THSD7A: variants seen among roughly 807,000 people sequenced by gnomAD.
THSD7A encodes the protein thrombospondin type-1 domain-containing protein 7A.
THSD7A carries 96 observed loss-of-function variants against 231.3 expected under a neutral mutation model. That is an observed-to-expected ratio of 0.41 (90% CI 0.35 to 0.49). THSD7A has a LOEUF of 0.49. Ranked by LOEUF, THSD7A falls within the 20% of genes least tolerant of loss-of-function variation. THSD7A has a pLI of 0.05. For synonymous variants in THSD7A, 940 were observed against 743.3 expected (o/e 1.26, Z -4.30); for missense variants, 2,290 against 2,070.2 (o/e 1.11, Z -2.06).
chr7:11,591,376 G>A (rs1307750867), intron 3 of THSD7A, among the ~76,000 whole-genome samples: 1 of 152,104 alleles, frequency 6.6e-6, no homozygotes, highest in Non-Finnish European at 1.5e-5. Context: ...TGCCACCGAA[G>A]ACAGGAAGTG....
At chr7:11,675,515 C>T (rs1783601627) in intron 1 of THSD7A, among the ~76,000 whole-genome samples, 1 of 152,170 alleles carries the variant, frequency 6.6e-6, no homozygotes, top group Non-Finnish European at 1.5e-5. Context: ...GATCCACTGG[C>T]TTGAAATTAT....
chr7:11,814,226 T>C lies in THSD7A; in HGVS notation c.190+17531A>G, dbSNP rs1434969792. Among the ~76,000 whole-genome samples, 1 of 152,170 alleles carries C rather than the reference T, an allele frequency of 6.6e-6. No individual in the cohort carries two copies. Among genetic ancestry groups the C allele is most frequent in the Non-Finnish European group, 1.5e-5 (1 of 68,032 alleles). On this transcript the variant is annotated intron_variant, in intron 1 of 27. Transcript: ENST00000423059. This position sits in a 1 kb window ranked among gnomAD's most constrained non-coding sequence, Gnocchi z 5.1. ...TAATGGATGCACAAGTCTGTGGATA[T>C]GCTAAAAGCCATTGAATTGTATGCT...
chr7:11,548,869 G>T (rs1445373578), intron 4 of THSD7A, among the ~76,000 whole-genome samples: 2 of 149,964 alleles, frequency 1.3e-5, no homozygotes, highest in Non-Finnish European at 3.0e-5. Flanking sequence ...AGCCATCTAT[G>T]ACAAACACAC....
At chr7:11,435,181 G>A (rs1784594790) in intron 13 of THSD7A, among the ~76,000 whole-genome samples, 1 of 151,926 alleles carries the variant, frequency 6.6e-6, no homozygotes, top group African/African-American at 2.4e-5. Flanking sequence ...CAGATTCATT[G>A]AGTGATATCT....
At chr7:11,673,329 C>T (rs1309862772) in intron 1 of THSD7A, among the ~76,000 whole-genome samples, 1 of 152,100 alleles carries the variant, frequency 6.6e-6, no homozygotes, top group African/African-American at 2.4e-5. Context: ...GGAGAACAAG[C>T]AGAGGTGTAG....
intron 23 of THSD7A, among the ~76,000 whole-genome samples, chr7:11,394,071 C>T (rs1267363615): frequency 2.6e-5 from 4 of 152,160 alleles, no homozygotes; most frequent in Admixed American, 2.6e-4. Flanking sequence ...TCATCCGATT[C>T]ACAAAGGTTG....
In THSD7A at chr7:11,584,562, T is replaced by C. The variant is rs1249155330; in HGVS notation, c.1453+5898A>G. Among the ~76,000 whole-genome samples the C allele has an allele frequency of 7.2e-5, 11 of 152,232 alleles. No individual in the cohort carries two copies. The East Asian group carries it at 2.1e-3, about 29-fold the overall frequency. On this transcript the variant is annotated intron_variant, in intron 4 of 27. Coordinates refer to ENST00000423059, the MANE Select transcript of THSD7A (RefSeq NM_015204.3). Reference sequence around the variant, plus strand: ...GAACAGAAGAGTAATTTATAAATAGTTATCTTCAGGCAAATAAAGTTAAGT... The same window carrying C: ...GAACAGAAGAGTAATTTATAAATAGCTATCTTCAGGCAAATAAAGTTAAGT...
chr7:11,451,171 A>G (rs1785131049), intron 11 of THSD7A, among the ~76,000 whole-genome samples: 1 of 152,030 alleles, frequency 6.6e-6, no homozygotes, highest in African/African-American at 2.4e-5. Flanking sequence ...CATGCTATGA[A>G]AAAGGGAGCT....
intron 1 of THSD7A, among the ~76,000 whole-genome samples, chr7:11,704,545 T>C (rs977058813): frequency 6.6e-6 from 1 of 150,770 alleles, no homozygotes; most frequent in Non-Finnish European, 1.5e-5. Flanking sequence ...GGAGTCTGTG[T>C]GAATATGTTC....
rs1789214557 is a variant in THSD7A, at chr7:11,542,944, C to G, written c.1609+18G>C. 6.2e-7 allele frequency: 1 copy of G among 1,610,928 alleles called. No homozygotes were observed. The highest frequency in any genetic ancestry group is 2.2e-5 in the East Asian group (1 of 44,832). On this transcript the variant is annotated intron_variant, in intron 5 of 27. Coordinates refer to ENST00000423059, the MANE Select transcript of THSD7A (RefSeq NM_015204.3). Reference sequence around the variant, plus strand: ...CAATTGGTGGGTATAAAAGGCATGTCATGGTCACGTTACCTACCTTTTTTC... The same window carrying G: ...CAATTGGTGGGTATAAAAGGCATGTGATGGTCACGTTACCTACCTTTTTTC...
rs1454548324 is a variant in THSD7A at position 11,446,904 on chromosome 7, C to A, written c.2800+326G>T. 2.6e-5 allele frequency among the ~76,000 whole-genome samples: 4 copies of A among 152,100 alleles called. No homozygotes were observed. The highest frequency in any genetic ancestry group is 4.1e-4 in the South Asian group (2 of 4,832). On this transcript the variant is annotated intron_variant, in intron 12 of 27. Coordinates refer to ENST00000423059, the MANE Select transcript of THSD7A (RefSeq NM_015204.3). This position sits in a 1 kb window ranked among gnomAD's most constrained non-coding sequence, Gnocchi z 4.0. ...GGCTCTGACAGTGAGAATGGGTTAA[C>A]AAAGTAGCAACTTTTTCTCTTGTTC...
intron 6 of THSD7A, among the ~76,000 whole-genome samples, chr7:11,535,536 T>G (rs1033291262): frequency 6.6e-6 from 1 of 151,612 alleles, no homozygotes; most frequent in Non-Finnish European, 1.5e-5. Flanking sequence ...CCAATAGTTT[T>G]AGACGATCCT....
intron 1 of THSD7A, among the ~76,000 whole-genome samples, chr7:11,795,529 T>C (rs1784098242): frequency 6.6e-6 from 1 of 151,988 alleles, no homozygotes; most frequent in African/African-American, 2.4e-5. Flanking sequence ...TCTAGTACAA[T>C]TTGTAGGTCG....
chr7:11,446,221 G>A lies in THSD7A; in HGVS notation c.2904C>T (p.Asn968=). 6.2e-7 allele frequency: 1 copy of A among 1,613,466 alleles called. No individual in the cohort carries two copies. Among genetic ancestry groups the A allele is most frequent in the South Asian group, 1.1e-5 (1 of 91,078 alleles). ...CCTCTGGTAAAATACAGTCTGACCAGTTCCCCACAGGTTGTGCATTATATT... is the reference window on the plus strand; with the variant it reads ...CCTCTGGTAAAATACAGTCTGACCAATTCCCCACAGGTTGTGCATTATATT... ...CDKYNAQPVG[N]WSDCILPEGK... Residue 968 remains asparagine (N), a synonymous_variant, in exon 13 of 28, where the codon AAC becomes AAT. Coordinates refer to ENST00000423059, the MANE Select transcript of THSD7A (RefSeq NM_015204.3). The surrounding 1 kb of genome is among the most constrained non-coding windows in gnomAD (Gnocchi z 4.0).
chr7:11,384,985 A>G (rs1782672836), intron 23 of THSD7A: 1 of 151,878 alleles, frequency 6.6e-6, no homozygotes, highest in African/African-American at 2.4e-5. Context: ...TTAGTTTCAT[A>G]TCTTCCAATA....
chr7:11,445,871 C>T (rs1347838282), intron 13 of THSD7A, among the ~76,000 whole-genome samples, 190 bp downstream of exon 13: 1 of 152,018 alleles, frequency 6.6e-6, no homozygotes, highest in African/African-American at 2.4e-5. Flanking sequence ...AAGTTGCCAA[C>T]TTCTGGACAA....
rs554658142 is a variant in THSD7A at position 11,620,619 on chromosome 7, C to T, written c.1022+15511G>A. Among the ~76,000 whole-genome samples the T allele has an allele frequency of 1.7e-4, 26 of 152,296 alleles. 1 individual carries two copies. In the Middle Eastern group the frequency reaches 0.027, roughly 159 times the overall value. ...AATGGCTGAGCAGCTCCTCACAGTC[C>T]TCTCAACAGAGACAGAGGAGGAAAG... On this transcript the variant is annotated intron_variant, in intron 2 of 27. Coordinates refer to ENST00000423059, the MANE Select transcript of THSD7A (RefSeq NM_015204.3).
chr7:11,372,577 G>GT lies in THSD7A; in HGVS notation c.*3216dup, dbSNP rs1782097527. On this transcript the variant is annotated 3_prime_UTR_variant, in exon 28 of 28. Coordinates refer to ENST00000423059, the MANE Select transcript of THSD7A (RefSeq NM_015204.3). Reference sequence around the variant, plus strand: ...AATCAGCCCCTTTCAAAAGAGATCAGTTAGTCCTATTCTACGTGGTTTCTA... The same window carrying GT: ...AATCAGCCCCTTTCAAAAGAGATCAGTTTAGTCCTATTCTACGTGGTTTCTA... 1 of 152,062 alleles carries GT rather than the reference G, an allele frequency of 6.6e-6. No individual in the cohort carries two copies. The highest frequency in any genetic ancestry group is 2.4e-5 in the African/African-American group (1 of 41,432). 9.4% of individuals were successfully genotyped at this position (152,062 alleles called of 1,614,324 possible). A position where few individuals can be genotyped will look rare whatever the true frequency, so the allele number is the denominator to read the frequency against.
At position 11,474,797 on chromosome 7, in the gene THSD7A, G is replaced by C. The variant is rs753729200; in HGVS notation, c.2018-229C>G. Among the ~76,000 whole-genome samples the C allele has an allele frequency of 6.6e-6, 1 of 152,162 alleles. No homozygotes were observed. Among genetic ancestry groups the C allele is most frequent in the Non-Finnish European group, 1.5e-5 (1 of 68,030 alleles). ...TCTCATAATGTAGTAGGGAAAAGTA[G>C]TAGGGGAGATAAGGATACAAATGAG... On this transcript the variant is annotated intron_variant, in intron 7 of 27. Transcript: ENST00000423059. This position sits in a 1 kb window ranked among gnomAD's most constrained non-coding sequence, Gnocchi z 4.1.
Sources: gnomAD v4.1 joint callset for allele counts (sites outside exome capture counted in the v4.1 genomes callset) on GRCh38, gnomAD v4.1.1 for gene constraint, Gnocchi (gnomAD v3.1) non-coding constraint, MANE v1.5 for transcripts, NCBI Gene and HGNC (gene_info 2026-07-23, HGNC 2026-07-21) for gene names.